Variants in DNAH9 observed in about 807,000 individuals in gnomAD.
DNAH9 encodes dynein axonemal heavy chain 9.
A neutral mutation model predicts 471.6 loss-of-function variants in DNAH9; 345 were observed. The ratio of observed to expected loss-of-function variants is 0.73; its 90% confidence interval spans 0.67 to 0.80. The LOEUF (loss-of-function observed/expected upper bound fraction) is 0.80, where lower values mean the gene tolerates loss of function less well. Among genes scored for constraint, DNAH9 ranks in the 30% least tolerant of loss-of-function variants. The pLI, the probability that DNAH9 is intolerant of heterozygous loss-of-function variation, is 0.00. For missense variants in DNAH9, 5,407 were observed against 5,609.2 expected (o/e 0.96, Z 1.15); for synonymous variants, 2,093 against 2,123.6 (o/e 0.99, Z 0.40).
chr17:11,672,648 A>C (rs1018522695), intron 17 of DNAH9, among the ~76,000 whole-genome samples: 1 of 151,528 alleles, frequency 6.6e-6, no homozygotes, highest in Non-Finnish European at 1.5e-5. Flanking sequence ...CACCCTTCCC[A>C]CTTTCTGCTG....
chr17:11,812,625 C>T (rs559685775), intron 45 of DNAH9, among the ~76,000 whole-genome samples: 2 of 152,172 alleles, frequency 1.3e-5, no homozygotes, highest in East Asian at 1.9e-4. Flanking sequence ...CAGGTGAGAT[C>T]GATGTCCCAG....
rs150088236 is a variant in DNAH9 at position 11,798,306 on chromosome 17, G to A, written c.8420+513G>A. On this transcript the variant is annotated intron_variant, in intron 43 of 68. Transcript: ENST00000262442. ...AAATTAGCCAGGCGTGGTGGCACGT[G>A]CCTATCATCCCAGCTACTCCAGAGG... Among the ~76,000 whole-genome samples the A allele has an allele frequency of 4.6e-3, 700 of 151,580 alleles. 6 individuals are homozygous for A. The highest frequency in any genetic ancestry group is 0.014 in the African/African-American group (575 of 41,338).
rs1352111652 is a variant in DNAH9, at chr17:11,744,801, AC to A, written c.6117del (p.Tyr2040ThrfsTer18). ...LCKELLSKQD[H>X]YDWGLRAIKS... The stretch of plus-strand genomic sequence containing the variant: ...TTGATCTAACACTGCCCACAGGATC[AC>A]TACGACTGGGGCCTACGGGCCATCA... On this transcript the variant is annotated frameshift_variant, in exon 31 of 69. Coordinates refer to ENST00000262442, the MANE Select transcript of DNAH9 (RefSeq NM_001372.4). LOFTEE classifies it high-confidence loss of function. 2.5e-6 allele frequency: 4 copies of A among 1,610,984 alleles called. No homozygotes were observed. The highest frequency in any genetic ancestry group is 3.4e-6 in the Non-Finnish European group (4 of 1,177,960).
At chr17:11,888,217 T>A (rs534056044) in intron 57 of DNAH9, among the ~76,000 whole-genome samples, 1 of 152,002 alleles carries the variant, frequency 6.6e-6, no homozygotes, top group Non-Finnish European at 1.5e-5. Flanking sequence ...ATCTCCGGAC[T>A]TCGTGATCCG....
chr17:11,611,921 A>G (rs756247389), intron 4 of DNAH9, 141 bp downstream of exon 4: 12 of 773,612 alleles, frequency 1.6e-5, no homozygotes, highest in Non-Finnish European at 2.2e-5. Context: ...GGTGGCAAGA[A>G]TACCACATCT....
chr17:11,693,079 T>G (rs1410937215), intron 20 of DNAH9, among the ~76,000 whole-genome samples: 1 of 150,010 alleles, frequency 6.7e-6, no homozygotes, highest in Non-Finnish European at 1.5e-5. Context: ...CTTTTTTTTT[T>G]TTTTTTTGTA....
chr17:11,882,109 T>G (rs1250463894), intron 55 of DNAH9, among the ~76,000 whole-genome samples: 1 of 152,218 alleles, frequency 6.6e-6, no homozygotes, highest in African/African-American at 2.4e-5. Context: ...CAAAATACCA[T>G]AGACGGGGTG....
At chr17:11,908,126 A>G (rs1973669009) in intron 61 of DNAH9, among the ~76,000 whole-genome samples, 1 of 152,070 alleles carries the variant, frequency 6.6e-6, no homozygotes, top group Non-Finnish European at 1.5e-5. Flanking sequence ...GTCCTTGCAT[A>G]TCCCAGTCCC....
At chr17:11,662,980 C>T (rs1182284690) in intron 14 of DNAH9, among the ~76,000 whole-genome samples, 2 of 151,786 alleles carry the variant, frequency 1.3e-5, no homozygotes, top group East Asian at 3.9e-4. Flanking sequence ...TGGTCTCGAT[C>T]TCCTGACCTC....
At chr17:11,914,635 A>G (rs1973882026) in intron 61 of DNAH9, among the ~76,000 whole-genome samples, 1 of 152,194 alleles carries the variant, frequency 6.6e-6, no homozygotes, top group African/African-American at 2.4e-5. Flanking sequence ...GGTTTTTATC[A>G]GAACTTTGGA....
rs368613622 is a variant in DNAH9 at position 11,889,474 on chromosome 17, G to A, written c.11113-2303G>A. ...TCCCACGTGGCACGATTTTGCTGGA[G>A]CCAAGGGATGCTGCCCCCCTAGATT... is the stretch of plus-strand genomic sequence containing the variant. On this transcript the variant is annotated intron_variant, in intron 57 of 68. Coordinates refer to ENST00000262442, the MANE Select transcript of DNAH9 (RefSeq NM_001372.4). Among the ~76,000 whole-genome samples, 6 of 105,618 alleles carry A rather than the reference G, an allele frequency of 5.7e-5. No individual in the cohort carries two copies. In the East Asian group the frequency reaches 1.5e-3, roughly 26 times the overall value. 69.3% of individuals were successfully genotyped at this position (105,618 alleles called of 152,430 possible).
In DNAH9 at chr17:11,891,921, A is replaced by G. The variant is rs773876962; in HGVS notation, c.11257A>G (p.Thr3753Ala). ...CGGGCTCTTTGAGTGTGATAAGCTG[A>G]CCTACCTTGCCCAGCTCACCTTTCA... ...IRGLFECDKL[T>A]YLAQLTFQIL... The change falls in exon 58 of 69, where the codon ACC (threonine) becomes GCC (alanine). Residue 3753 changes from threonine to alanine, a missense_variant. Coordinates refer to ENST00000262442, the MANE Select transcript of DNAH9 (RefSeq NM_001372.4). 1 of 1,613,846 alleles carries G rather than the reference A, an allele frequency of 6.2e-7. No homozygotes were observed. The highest frequency in any genetic ancestry group is 8.5e-7 in the Non-Finnish European group (1 of 1,179,912).
intron 49 of DNAH9, among the ~76,000 whole-genome samples, chr17:11,852,424 AC>A (rs1297776437): frequency 6.6e-6 from 1 of 152,042 alleles, no homozygotes; most frequent in Non-Finnish European, 1.5e-5. Context: ...CTGACCCATG[AC>A]CAGGGGGTCC....
At chr17:11,913,140 C>A (rs1973841562) in intron 61 of DNAH9, among the ~76,000 whole-genome samples, 1 of 152,054 alleles carries the variant, frequency 6.6e-6, no homozygotes, top group South Asian at 2.1e-4. Context: ...TGCACTCCAG[C>A]CTGGGTGACA....
chr17:11,635,992 GTTTA>G (rs5819330), intron 8 of DNAH9, among the ~76,000 whole-genome samples: 54,806 of 151,016 alleles, frequency 0.36, 10,404 homozygotes, highest in Middle Eastern at 0.47. Flanking sequence ...TTTTTTGTTT[GTTTA>G]TTTGTTTGTT....
At chr17:11,789,567 T>C (rs1355659725) in intron 41 of DNAH9, among the ~76,000 whole-genome samples, 7 of 152,044 alleles carry the variant, frequency 4.6e-5, no homozygotes, top group Non-Finnish European at 1.0e-4. Context: ...TTTTTTCTCT[T>C]CTATCATCCT....
chr17:11,967,718 T>C (rs2151458718), intron 68 of DNAH9, among the ~76,000 whole-genome samples: 1 of 152,216 alleles, frequency 6.6e-6, no homozygotes, highest in Admixed American at 6.5e-5. Context: ...CGTTTTAGAT[T>C]GGAAGATACC....
In DNAH9 at chr17:11,699,865, C is replaced by G. The variant is rs1326845376; in HGVS notation, c.5007C>G (p.Pro1669=). ...KEEEYVAFSE[P]CDCSGQVEIW... is the part of the protein sequence containing the mutation. ...AGGAGTATGTGGCTTTCAGTGAGCC[C>G]TGTGACTGCAGCGGGCAGGTAACAC... Residue 1669 remains proline, a synonymous_variant, in exon 23 of 69, where the codon CCC becomes CCG. Coordinates refer to ENST00000262442, the MANE Select transcript of DNAH9 (RefSeq NM_001372.4). 3 of 1,614,210 alleles carry G rather than the reference C, an allele frequency of 1.9e-6. No individual in the cohort carries two copies. In the Admixed American group the frequency reaches 5.0e-5, roughly 27 times the overall value.
chr17:11,705,849 T>C (rs2074689935), intron 26 of DNAH9, among the ~76,000 whole-genome samples: 1 of 152,156 alleles, frequency 6.6e-6, no homozygotes, highest in South Asian at 2.1e-4. Context: ...CCCATAAATA[T>C]GTCAAATATG....
Sources: gnomAD v4.1 joint callset for allele counts (sites outside exome capture counted in the v4.1 genomes callset) on GRCh38, gnomAD v4.1.1 for gene constraint, MANE v1.5 for transcripts, NCBI Gene and HGNC (gene_info 2026-07-23, HGNC 2026-07-21) for gene names.